Variants in PDE4D observed in about 807,000 individuals in gnomAD.
PDE4D encodes phosphodiesterase 4D, also known as 3',5'-cyclic-AMP phosphodiesterase 4D.
Under a neutral mutation model 87.4 loss-of-function variants are expected in PDE4D, and 24 were observed. The observed-to-expected ratio is 0.27, with a 90% CI of 0.20 to 0.39. PDE4D has a LOEUF of 0.39. PDE4D is among the 10% of genes least tolerant of loss of function. PDE4D has a pLI of 1.00. For missense variants in PDE4D, 714 were observed against 1,041.0 expected, an observed-to-expected ratio of 0.69 and a Z score of 4.32; for synonymous variants, 384 against 383.2, an observed-to-expected ratio of 1.00 and a Z score of -0.02.
chr5:59,733,769 C>T (rs1428616915), intron 1 of PDE4D, among the ~76,000 whole-genome samples: 1 of 151,972 alleles, frequency 6.6e-6, no homozygotes, highest in East Asian at 1.9e-4. Context: ...TCTTCACAGT[C>T]TTTAATTTCT....
At chr5:59,961,582 AC>A (rs1438960398) in intron 3 of PDE4D, among the ~76,000 whole-genome samples, 1 of 152,178 alleles carries the variant, frequency 6.6e-6, no homozygotes, top group East Asian at 1.9e-4. Context: ...GGAAAGGAAC[AC>A]ATCTGCCTTT....
intron 1 of PDE4D, among the ~76,000 whole-genome samples, chr5:59,326,392 T>C (rs2153574253): frequency 6.6e-6 from 1 of 152,200 alleles, no homozygotes; most frequent in Non-Finnish European, 1.5e-5. Context: ...CATTATTATT[T>C]TTCCCTCTCT....
At chr5:59,843,357 C>G (rs921018784) in intron 1 of PDE4D, among the ~76,000 whole-genome samples, 1 of 151,900 alleles carries the variant, frequency 6.6e-6, no homozygotes, top group Non-Finnish European at 1.5e-5. Flanking sequence ...AGAGGAAATA[C>G]ATTTTGTTAT....
chr5:59,437,399 G>A (rs1470641939), intron 1 of PDE4D, among the ~76,000 whole-genome samples: 1 of 152,142 alleles, frequency 6.6e-6, no homozygotes, highest in Non-Finnish European at 1.5e-5. Flanking sequence ...ATATTCAGCT[G>A]CAAAAGAATT....
chr5:60,216,562 C>T (rs1391739639), intron 1 of PDE4D, among the ~76,000 whole-genome samples: 1 of 151,856 alleles, frequency 6.6e-6, no homozygotes, highest in Non-Finnish European at 1.5e-5. Flanking sequence ...ACTTTAGATC[C>T]AAAGACACAG....
chr5:59,072,805 T>C (rs960076114), intron 5 of PDE4D, among the ~76,000 whole-genome samples: 48 of 152,354 alleles, frequency 3.2e-4, no homozygotes, highest in African/African-American at 1.1e-3. Flanking sequence ...TGATTTAACA[T>C]TGAAACAGTA....
At position 60,324,034 on chromosome 5, in the gene PDE4D, C is replaced by T. The variant is rs191247306; in HGVS notation, c.-89-138347G>A. Reference sequence around the variant, plus strand: ...CCAATTTTCTGTTTATTTCTATGAACGTTTGATTAAGTAAATGCCTCACTA... The same window carrying T: ...CCAATTTTCTGTTTATTTCTATGAATGTTTGATTAAGTAAATGCCTCACTA... On this transcript the variant is annotated intron_variant, in intron 1 of 16. Transcript: ENST00000502484. Among the ~76,000 whole-genome samples, 245 of 152,160 alleles carry T rather than the reference C, an allele frequency of 1.6e-3. 1 individual carries two copies. Among genetic ancestry groups the T allele is most frequent in the African/African-American group, 5.4e-3 (222 of 41,466 alleles).
chr5:59,444,073 C>T (rs1040857447), intron 1 of PDE4D, among the ~76,000 whole-genome samples: 1 of 152,196 alleles, frequency 6.6e-6, no homozygotes, highest in Non-Finnish European at 1.5e-5. Flanking sequence ...TGCAACGACA[C>T]GCTCTTCACA....
At chr5:59,935,895 T>C (rs1328564329) in intron 3 of PDE4D, among the ~76,000 whole-genome samples, 1 of 152,212 alleles carries the variant, frequency 6.6e-6, no homozygotes, top group African/African-American at 2.4e-5. Context: ...TTTGCTATTG[T>C]GAATAGTGCC....
intron 5 of PDE4D, among the ~76,000 whole-genome samples, chr5:59,125,992 T>A (rs767057071): frequency 1.3e-5 from 2 of 151,432 alleles, no homozygotes; most frequent in Non-Finnish European, 2.9e-5. Flanking sequence ...CTCACAATCA[T>A]AAATTTGAGA....
intron 1 of PDE4D, among the ~76,000 whole-genome samples, chr5:59,764,836 T>A (rs529046172): frequency 6.8e-4 from 104 of 152,080 alleles, no homozygotes; most frequent in African/African-American, 2.3e-3. Flanking sequence ...TTTGTATTTT[T>A]AGTAGAGACG....
chr5:59,731,775 A>G (rs1757392354), intron 1 of PDE4D, among the ~76,000 whole-genome samples: 1 of 152,182 alleles, frequency 6.6e-6, no homozygotes, highest in Non-Finnish European at 1.5e-5. Context: ...CTTACAAAAT[A>G]CTTTTTAAAG....
rs70975373 is a variant in PDE4D at position 60,202,777 on chromosome 5, G to GA, written c.-89-17091dup. 7.8e-3 allele frequency among the ~76,000 whole-genome samples: 1,178 copies of GA among 150,408 alleles called. 8 individuals carry two copies. The highest frequency in any genetic ancestry group is 0.027 in the African/African-American group (1,108 of 40,956). On this transcript the variant is annotated intron_variant, in intron 1 of 16. Coordinates refer to the PDE4D transcript ENST00000502484. ...TTGTCTATCAGATGGTACATGAAAA[G>GA]AAAAAAAAATACAGTTTTGAGGCAC...
chr5:60,449,912 A>AG (rs397952727), intron 1 of PDE4D, among the ~76,000 whole-genome samples: 4 of 151,172 alleles, frequency 2.6e-5, no homozygotes, highest in African/African-American at 9.7e-5. Context: ...AGAAAAAAAA[A>AG]GAAGTCATAT....
At chr5:60,500,497 C>T (rs1750020779) in intron 1 of PDE4D, among the ~76,000 whole-genome samples, 1 of 152,136 alleles carries the variant, frequency 6.6e-6, no homozygotes, top group South Asian at 2.1e-4. Flanking sequence ...CTATAAGGAA[C>T]TTGGTAAATA....
chr5:60,309,338 A>G (rs1754792978), intron 1 of PDE4D, among the ~76,000 whole-genome samples: 1 of 152,220 alleles, frequency 6.6e-6, no homozygotes, highest in Non-Finnish European at 1.5e-5. Flanking sequence ...ACATTTATAG[A>G]AAAAGAGAAG....
chr5:59,566,610 G>T lies in PDE4D; in HGVS notation c.455+326558C>A, dbSNP rs576005387. Among the ~76,000 whole-genome samples the T allele has an allele frequency of 3.5e-4, 53 of 151,544 alleles. No individual in the cohort carries two copies. The South Asian group carries it at 0.011, about 32-fold the overall frequency. On this transcript the variant is annotated intron_variant, in intron 1 of 14. Coordinates refer to ENST00000340635, the MANE Select transcript of PDE4D (RefSeq NM_001104631.2). ...AGAGAATGAGAGAGAGAGAGAAAGA[G>T]AATTTGATTAATGCATGTCTTCCCC... is the stretch of plus-strand genomic sequence containing the variant.
intron 1 of PDE4D, among the ~76,000 whole-genome samples, chr5:60,227,505 A>G (rs1745255243): frequency 6.7e-6 from 1 of 149,082 alleles, no homozygotes; most frequent in Non-Finnish European, 1.5e-5. Flanking sequence ...GTGATAGGAA[A>G]GAGGGAAATA....
intron 1 of PDE4D, among the ~76,000 whole-genome samples, chr5:59,553,147 A>G (rs116657799): frequency 0.027 from 4,125 of 152,180 alleles, 190 homozygotes; most frequent in African/African-American, 0.093. Context: ...TATTTTTGCA[A>G]GAAGGCACAA....
Sources: gnomAD v4.1 joint callset for allele counts (sites outside exome capture counted in the v4.1 genomes callset) on GRCh38, gnomAD v4.1.1 for gene constraint, MANE v1.5 for transcripts, NCBI Gene and HGNC (gene_info 2026-07-23, HGNC 2026-07-21) for gene names.